SENP5: variants seen among roughly 807,000 people sequenced by gnomAD.
SENP5 encodes sentrin-specific protease 5.
A neutral mutation model predicts 74.2 loss-of-function variants in SENP5; 21 were observed. That is an observed-to-expected ratio of 0.28 (90% CI 0.20 to 0.41). The LOEUF (loss-of-function observed/expected upper bound fraction) is 0.41. SENP5 is among the 10% of genes least tolerant of loss of function. The probability of loss-of-function intolerance (pLI) is 1.00; values close to 1 mark genes in which losing one functional copy is unlikely to be tolerated. For missense variants in SENP5, 717 were observed against 889.1 expected (o/e 0.81, Z 2.46); for synonymous variants, 311 against 312.7 (o/e 0.99, Z 0.06).
Position 196,885,494 on chromosome 3 carries a change from A to T in SENP5, c.313A>T (p.Ile105Phe). The T allele has an allele frequency of 6.2e-7, 1 of 1,614,112 alleles. No homozygotes were observed. The highest frequency in any genetic ancestry group is 1.3e-5 in the African/African-American group (1 of 75,048). Residue 105 changes from isoleucine to phenylalanine, a missense_variant, in exon 2 of 10, where the codon ATT (isoleucine) becomes TTT (phenylalanine). Transcript: ENST00000323460. ...KVKRKDAKHFISSSKTLLRLQ... is the reference protein window; with the variant it reads ...KVKRKDAKHFFSSSKTLLRLQ... ...GAAAAGAAAGGACGCTAAACACTTC[A>T]TTTCCTCCTCAAAGACTCTCCTGAG...
intron 1 of SENP5, among the ~76,000 whole-genome samples, chr3:196,877,996 G>A (rs1713556457): frequency 6.6e-6 from 1 of 152,122 alleles, no homozygotes; most frequent in Admixed American, 6.6e-5. Flanking sequence ...TTAATTTTAT[G>A]CCAGCCTGAA....
Position 196,927,711 on chromosome 3 carries a change from C to G in SENP5, c.2023-85C>G, listed in dbSNP as rs115256586. On this transcript the variant is annotated intron_variant, in intron 7 of 9. Transcript: ENST00000323460. ...CCAGTTATGGGGCCACAGCCTCCTC[C>G]TTTCCTTCTGTCTGCTATGGGCATG... 3.5e-3 allele frequency: 2,593 copies of G among 748,378 alleles called. 48 individuals are homozygous for G. The African/African-American group carries it at 0.039, about 11-fold the overall frequency. 46.4% of individuals were successfully genotyped at this position (748,378 alleles called of 1,614,324 possible). A position where few individuals can be genotyped will look rare whatever the true frequency, so the allele number is the denominator to read the frequency against.
At chr3:196,868,303 G>A (rs1713022363) in intron 1 of SENP5, among the ~76,000 whole-genome samples, 1 of 152,264 alleles carries the variant, frequency 6.6e-6, no homozygotes, top group South Asian at 2.1e-4. Context: ...CGCTCCAGCC[G>A]GGCTGTGCGT....
intron 6 of SENP5, among the ~76,000 whole-genome samples, chr3:196,906,203 G>C (rs892599452): frequency 6.6e-6 from 1 of 151,946 alleles, no homozygotes; most frequent in African/African-American, 2.4e-5. Context: ...CTGGGTGACA[G>C]AGCAAGACTT....
chr3:196,884,928 G>C (rs1419567764), intron 1 of SENP5, among the ~76,000 whole-genome samples: 2 of 152,136 alleles, frequency 1.3e-5, no homozygotes, highest in African/African-American at 4.8e-5. Context: ...CTCAGAGGCA[G>C]GTGTACAGCA....
At chr3:196,929,293 T>G in intron 8 of SENP5, 1 of 229,420 alleles carries the variant, frequency 4.4e-6, no homozygotes, top group Non-Finnish European at 8.4e-6. Flanking sequence ...GGCTGGGCCT[T>G]TGTTCTCCCA....
chr3:196,919,108 A>G (rs1413990560), intron 6 of SENP5, among the ~76,000 whole-genome samples: 1 of 152,190 alleles, frequency 6.6e-6, no homozygotes, highest in Non-Finnish European at 1.5e-5. Flanking sequence ...AAAAACGGAA[A>G]AGAGCCAGAG....
At chr3:196,915,838 C>G (rs1035552482) in intron 6 of SENP5, among the ~76,000 whole-genome samples, 1 of 152,226 alleles carries the variant, frequency 6.6e-6, no homozygotes, top group Non-Finnish European at 1.5e-5. Context: ...CACAGTCTTA[C>G]TGGGCTTGGG....
In SENP5 at chr3:196,899,909, A is replaced by C. The variant is rs747095827; in HGVS notation, c.1620-15A>C. 8 of 1,611,302 alleles carry C rather than the reference A, an allele frequency of 5.0e-6. No homozygotes were observed. The South Asian group carries it at 6.6e-5, about 13-fold the overall frequency. On this transcript the variant is annotated splice_polypyrimidine_tract_variant and intron_variant, in intron 3 of 9. Transcript: ENST00000323460. ...TGTTTTTTTTACCTTTTGTTTCAAA[A>C]TCTTTCTCTTTCAGAAAACCATTTA...
intron 1 of SENP5, among the ~76,000 whole-genome samples, chr3:196,878,740 C>G (rs898861055): frequency 6.6e-6 from 1 of 151,942 alleles, no homozygotes; most frequent in Non-Finnish European, 1.5e-5. Context: ...TATAGGTGCC[C>G]GCCACCATGT....
In SENP5 at chr3:196,931,030, G is replaced by A. The variant is rs973545773; in HGVS notation, c.*107G>A. The A allele has an allele frequency of 2.8e-6, 2 of 721,028 alleles. No individual in the cohort carries two copies. Among genetic ancestry groups the A allele is most frequent in the East Asian group, 5.3e-5 (2 of 37,544 alleles). The allele number at this position is 721,028 out of a possible 1,614,324, so 44.7% of individuals were successfully genotyped here. A position where few individuals can be genotyped will look rare whatever the true frequency, so the allele number is the denominator to read the frequency against. On this transcript the variant is annotated 3_prime_UTR_variant, in exon 10 of 10. Transcript: ENST00000323460. ...TTTACAGATATTTCAGATCAGTGGT[G>A]TTGGGCCACTATTGTTACCTCAAAT...
intron 2 of SENP5, among the ~76,000 whole-genome samples, chr3:196,892,846 C>G (rs976019500): frequency 1.3e-5 from 2 of 152,118 alleles, no homozygotes; most frequent in African/African-American, 4.8e-5. Flanking sequence ...ATATTATGCT[C>G]CAGATTCATC....
intron 1 of SENP5, among the ~76,000 whole-genome samples, chr3:196,868,553 C>T (rs975045343): frequency 6.6e-6 from 1 of 152,228 alleles, no homozygotes; most frequent in African/African-American, 2.4e-5. Context: ...CTTCGGTCTG[C>T]TCTGAGCGGT....
At chr3:196,889,598 G>A (rs1415944840) in intron 2 of SENP5, among the ~76,000 whole-genome samples, 1 of 152,156 alleles carries the variant, frequency 6.6e-6, no homozygotes, top group East Asian at 1.9e-4. Flanking sequence ...ATATCAATCA[G>A]AAGCCAATAG....
chr3:196,872,212 C>T (rs560016596), intron 1 of SENP5, among the ~76,000 whole-genome samples: 27 of 152,136 alleles, frequency 1.8e-4, no homozygotes, highest in Non-Finnish European at 3.4e-4. Context: ...CCCTTGTGTG[C>T]GTGTTTTATC....
intron 6 of SENP5, among the ~76,000 whole-genome samples, chr3:196,916,511 TTAAG>T (rs1221818871): frequency 6.7e-6 from 1 of 148,172 alleles, no homozygotes; most frequent in Non-Finnish European, 1.5e-5. Context: ...TCAGAGAAAT[TTAAG>T]AAAGAGATTG....
intron 6 of SENP5, among the ~76,000 whole-genome samples, chr3:196,911,324 C>A (rs1715116015): frequency 6.6e-6 from 1 of 152,122 alleles, no homozygotes; most frequent in African/African-American, 2.4e-5. Context: ...TGACAAAGAT[C>A]TAATATCCAG....
At chr3:196,886,773 T>A (rs1256344181) in intron 2 of SENP5, 79 bp downstream of exon 2, 1 of 1,196,420 alleles carries the variant, frequency 8.4e-7, no homozygotes, top group Non-Finnish European at 1.1e-6. Flanking sequence ...AAGAGTCCTA[T>A]TTTTTTCTCC....
chr3:196,888,904 C>CAGGAG (rs1017948842), intron 2 of SENP5, among the ~76,000 whole-genome samples: 10 of 152,170 alleles, frequency 6.6e-5, no homozygotes, highest in African/African-American at 2.4e-4. Context: ...ATCATGAGGT[C>CAGGAG]AGGAGATCGA....
Sources: gnomAD v4.1 joint callset for allele counts (sites outside exome capture counted in the v4.1 genomes callset) on GRCh38, gnomAD v4.1.1 for gene constraint, MANE v1.5 for transcripts, NCBI Gene and HGNC (gene_info 2026-07-23, HGNC 2026-07-21) for gene names.